The following ANK1 variants were observed in gnomAD, a reference collection of about 807,000 sequenced individuals.
ANK1 encodes ankyrin-1.
ANK1 carries 51 observed loss-of-function variants against 210.4 expected under a neutral mutation model. The observed-to-expected ratio is 0.24, with a 90% CI of 0.19 to 0.31. The LOEUF is 0.31. Ranked by LOEUF, ANK1 falls within the 10% of genes least tolerant of loss-of-function variation. ANK1 has a pLI of 1.00. For missense variants in ANK1, 2,051 were observed against 2,504.4 expected (o/e 0.82, Z 3.86); for synonymous variants, 967 against 1,025.9 (o/e 0.94, Z 1.10).
intron 1 of ANK1, among the ~76,000 whole-genome samples, chr8:41,789,939 C>A (rs571964871): frequency 6.6e-6 from 1 of 152,274 alleles, no homozygotes; most frequent in East Asian, 1.9e-4. Flanking sequence ...ACCCCGGGGA[C>A]CTCAGGCCAC....
chr8:41,782,656 A>G (rs1280526254), intron 1 of ANK1, among the ~76,000 whole-genome samples: 1 of 152,216 alleles, frequency 6.6e-6, no homozygotes, highest in Non-Finnish European at 1.5e-5. Context: ...TTCTCGCTGA[A>G]TTGAATTCTA....
chr8:41,672,116 C>T (rs184765707), intron 38 of ANK1, among the ~76,000 whole-genome samples: 27 of 152,358 alleles, frequency 1.8e-4, no homozygotes, highest in Non-Finnish European at 2.9e-4. Context: ...TCTCCCAGTG[C>T]TCCTCGGGGT....
In ANK1 at chr8:41,703,447, TA is replaced by T. The variant is rs1442719544; in HGVS notation, c.2295+593del. Among the ~76,000 whole-genome samples the T allele has an allele frequency of 9.4e-4, 61 of 64,898 alleles. 1 individual carries two copies. The highest frequency in any genetic ancestry group is 2.7e-3 in the African/African-American group (53 of 19,984). 42.6% of individuals were successfully genotyped at this position (64,898 alleles called of 152,430 possible). A position where few individuals can be genotyped will look rare whatever the true frequency, so the allele number is the denominator to read the frequency against. On this transcript the variant is annotated intron_variant, in intron 20 of 42. Coordinates refer to ENST00000289734, the MANE Select transcript of ANK1 (RefSeq NM_000037.4). ...GTATATATATATATATATATATATA[TA>T]TATTTTTTTTTTTTTTTTAAGACAC... is the stretch of plus-strand genomic sequence containing the variant.
In ANK1 at chr8:41,659,667, G is replaced by A. The variant is rs928136909; in HGVS notation, c.*36+1763C>T. On this transcript the variant is annotated intron_variant, in intron 42 of 42. Coordinates refer to ENST00000289734, the MANE Select transcript of ANK1 (RefSeq NM_000037.4). ...GGGACTTTGGCAGGAGCTTTTCTCC[G>A]CCTCTCCCTCACCACTGCTCTCGCC... Among the ~76,000 whole-genome samples, 94 of 152,030 alleles carry A rather than the reference G, an allele frequency of 6.2e-4. 1 individual carries two copies. Among genetic ancestry groups the A allele is most frequent in the South Asian group, 1.0e-3 (5 of 4,810 alleles).
rs772202187 is a variant in ANK1, at chr8:41,719,693, C to G, written c.1075G>C (p.Asp359His). The G allele has an allele frequency of 6.2e-7, 1 of 1,614,224 alleles. No homozygotes were observed. Among genetic ancestry groups the G allele is most frequent in the Non-Finnish European group, 8.5e-7 (1 of 1,180,034 alleles). The change falls in exon 10 of 43, where the codon GAT becomes CAT. Residue 359 changes from aspartate (D) to histidine (H), a missense_variant. This residue lies in a region of ANK1 where 1,413 missense variants were observed against 1,707.4 expected (regional missense o/e 0.83). Coordinates refer to ENST00000289734, the MANE Select transcript of ANK1 (RefSeq NM_000037.4). ...GHHRVAKVLLDKGAKPNSRAL... is the reference protein window; with the variant it reads ...GHHRVAKVLLHKGAKPNSRAL... Reference sequence around the variant, plus strand: ...CTGGAGTTGGGTTTGGCCCCTTTATCCAGAAGGACCTTAGCCACCCTGTGG... The same window carrying G: ...CTGGAGTTGGGTTTGGCCCCTTTATGCAGAAGGACCTTAGCCACCCTGTGG...
chr8:41,855,176 G>A (rs975370197), intron 1 of ANK1, among the ~76,000 whole-genome samples: 1 of 152,208 alleles, frequency 6.6e-6, no homozygotes, highest in African/African-American at 2.4e-5. Context: ...CCAGATGATT[G>A]ACAGGTAGAT....
At chr8:41,720,914 G>C (rs74445466) in intron 9 of ANK1, among the ~76,000 whole-genome samples, 9 of 152,198 alleles carry the variant, frequency 5.9e-5, no homozygotes, top group Non-Finnish European at 7.3e-5. Context: ...AGTCAGGCTG[G>C]AGAGGAGGCT....
At chr8:41,806,013 A>G (rs945176271) in intron 1 of ANK1, among the ~76,000 whole-genome samples, 1 of 152,260 alleles carries the variant, frequency 6.6e-6, no homozygotes, top group Non-Finnish European at 1.5e-5. Context: ...CACAAAGAAT[A>G]TTAATGAGCT....
chr8:41,822,694 G>A (rs1440523094), intron 1 of ANK1, among the ~76,000 whole-genome samples: 1 of 152,146 alleles, frequency 6.6e-6, no homozygotes, highest in Non-Finnish European at 1.5e-5. Context: ...TTGCAATGAG[G>A]ATGATGAGCT....
intron 16 of ANK1, among the ~76,000 whole-genome samples, chr8:41,709,219 CT>C (rs1214918648): frequency 1.3e-5 from 2 of 152,326 alleles, no homozygotes; most frequent in Admixed American, 6.5e-5. Context: ...TTCTGTTATG[CT>C]TTGACAAACT....
intron 1 of ANK1, among the ~76,000 whole-genome samples, chr8:41,839,677 C>T (rs1808479952): frequency 6.6e-6 from 1 of 152,192 alleles, no homozygotes; most frequent in African/African-American, 2.4e-5. Flanking sequence ...ACAACCACCT[C>T]AGCCAAAATG....
At chr8:41,675,832 C>T (rs897774437) in intron 37 of ANK1, among the ~76,000 whole-genome samples, 1 of 152,228 alleles carries the variant, frequency 6.6e-6, no homozygotes, top group African/African-American at 2.4e-5. Flanking sequence ...GTTTGCATTT[C>T]CCAGGATTTT....
intron 1 of ANK1, among the ~76,000 whole-genome samples, chr8:41,843,470 G>A (rs779827752): frequency 6.8e-6 from 1 of 147,604 alleles, no homozygotes; most frequent in African/African-American, 2.5e-5. Flanking sequence ...GTGTTTAAAG[G>A]GGGGGCCCTG....
chr8:41,814,631 T>C (rs183041076), intron 1 of ANK1, among the ~76,000 whole-genome samples: 6 of 152,250 alleles, frequency 3.9e-5, no homozygotes, highest in Admixed American at 3.3e-4. Context: ...AAAATAGCCA[T>C]GGTTAAAGAT....
chr8:41,733,931 A>G, intron 3 of ANK1, 40 bp downstream of exon 3: 1 of 1,575,276 alleles, frequency 6.3e-7, no homozygotes, highest in Non-Finnish European at 8.7e-7. Flanking sequence ...ACAAACTTGA[A>G]TTTTCAATGC....
In ANK1 at chr8:41,719,764, G is replaced by A; in HGVS notation, c.1004C>T (p.Thr335Ile). 6.2e-7 allele frequency: 1 copy of A among 1,614,210 alleles called. No individual in the cohort carries two copies. Among genetic ancestry groups the A allele is most frequent in the Non-Finnish European group, 8.5e-7 (1 of 1,180,028 alleles). Residue 335 changes from threonine (T) to isoleucine (I), a missense_variant, in exon 10 of 43, where the codon ACC (threonine) becomes ATC (isoleucine). Physicochemically the swap from Thr to Ile is moderately conservative, Grantham distance 89. Coordinates refer to ENST00000289734, the MANE Select transcript of ANK1 (RefSeq NM_000037.4). ...GTGGAGTGGGGTCAGGTGGTCCAGG[G>A]TGATGTCGTCTATCTCTGCGTCGTA... ...LQYDAEIDDI[T>I]LDHLTPLHVA...
At position 41,780,728 on chromosome 8, in the gene ANK1, G is replaced by A. The variant is rs916635966; in HGVS notation, c.27+16784C>T. Among the ~76,000 whole-genome samples, 25 of 152,312 alleles carry A rather than the reference G, an allele frequency of 1.6e-4. 1 individual carries two copies. In the Middle Eastern group the frequency reaches 0.01, roughly 62 times the overall value. On this transcript the variant is annotated intron_variant, in intron 1 of 42. Transcript: ENST00000289734. ...TGCACGTGTGCCTGTGTGTGCATGC[G>A]TGCATGTGTATGCATGTGCACGAGT... is the stretch of plus-strand genomic sequence containing the variant.
At chr8:41,811,575 CACTGCCCTCCCTGGCTCAG>C (rs1802507170) in intron 1 of ANK1, among the ~76,000 whole-genome samples, 2 of 152,212 alleles carry the variant, frequency 1.3e-5, no homozygotes, top group Admixed American at 1.3e-4. Flanking sequence ...TTAGGGATGG[CACTGCCCTCCCTGGCTCAG>C]ACTGCCCTCT....
intron 14 of ANK1, among the ~76,000 whole-genome samples, chr8:41,715,317 G>A (rs1827330171): frequency 6.6e-6 from 1 of 152,202 alleles, no homozygotes; most frequent in Non-Finnish European, 1.5e-5. Flanking sequence ...GTTGATTGCT[G>A]GCTAGCTGAG....
Sources: allele counts gnomAD v4.1 joint callset (sites outside exome capture counted in the v4.1 genomes callset), GRCh38; gene constraint gnomAD v4.1.1; regional missense constraint gnomAD v4.1.1; transcripts MANE v1.5; gene names NCBI Gene and HGNC (gene_info 2026-07-23, HGNC 2026-07-21).